TNR: variants seen among roughly 807,000 people sequenced by gnomAD.
The protein encoded by TNR is tenascin R.
Under a neutral mutation model 150.4 loss-of-function variants are expected in TNR, and 45 were observed. That is an observed-to-expected ratio of 0.30 (90% CI 0.24 to 0.38). The LOEUF (loss-of-function observed/expected upper bound fraction) is 0.38, where lower values mean the gene tolerates loss of function less well. TNR is among the 10% of genes least tolerant of loss of function. The probability of loss-of-function intolerance (pLI) is 1.00; values close to 1 mark genes in which losing one functional copy is unlikely to be tolerated. For synonymous variants in TNR, 687 were observed against 678.4 expected, an observed-to-expected ratio of 1.01 and a Z score of -0.20; for missense variants, 1,544 against 1,759.1, an observed-to-expected ratio of 0.88 and a Z score of 2.19.
chr1:175,680,367 A>G (rs930482428), intron 1 of TNR, among the ~76,000 whole-genome samples: 1 of 152,142 alleles, frequency 6.6e-6, no homozygotes, highest in African/African-American at 2.4e-5. Context: ...AAAGTAATAA[A>G]TGGGGCCACT....
chr1:175,399,657 G>A (rs967497138), intron 4 of TNR, among the ~76,000 whole-genome samples: 13 of 152,160 alleles, frequency 8.5e-5, no homozygotes, highest in Non-Finnish European at 1.5e-4. Context: ...AACAATCAAA[G>A]AGCCTCATGC....
intron 1 of TNR, among the ~76,000 whole-genome samples, chr1:175,547,940 T>G (rs757909626): frequency 1.8e-4 from 28 of 152,192 alleles, no homozygotes; most frequent in Non-Finnish European, 3.4e-4. Context: ...CATAAAAAAT[T>G]TTTAAGTATG....
chr1:175,640,414 T>A (rs1014039894), intron 1 of TNR, among the ~76,000 whole-genome samples: 1 of 152,250 alleles, frequency 6.6e-6, no homozygotes, highest in Non-Finnish European at 1.5e-5. Context: ...TGTTAAGCCA[T>A]GTACTGGCAC....
chr1:175,362,828 T>C lies in TNR; in HGVS notation c.2708-19A>G, dbSNP rs1410316732. The stretch of plus-strand genomic sequence containing the variant: ...CGTCCCACTGGAGAAGAGAAGAATC[T>C]ACAGTTAAAATTCAGCAGCCCTTTC... On this transcript the variant is annotated intron_variant, in intron 13 of 22. Transcript: ENST00000367674. 3 of 1,613,394 alleles carry C rather than the reference T, an allele frequency of 1.9e-6. No individual in the cohort carries two copies. The highest frequency in any genetic ancestry group is 2.5e-6 in the Non-Finnish European group (3 of 1,179,522).
intron 1 of TNR, among the ~76,000 whole-genome samples, chr1:175,622,528 G>C (rs1317463489): frequency 6.6e-6 from 1 of 152,082 alleles, no homozygotes; most frequent in Admixed American, 6.6e-5. Context: ...ACACCCTCTA[G>C]CCCGATATCC....
chr1:175,331,041 C>CTT (rs371670839), intron 20 of TNR, among the ~76,000 whole-genome samples: 7 of 75,858 alleles, frequency 9.2e-5, no homozygotes, highest in Non-Finnish European at 1.7e-4. Context: ...TTCTTTCTTT[C>CTT]TTTCTTTCTT....
rs539750137 is a variant in TNR at position 175,324,529 on chromosome 1, A to G, written c.3794-10T>C. ...TAGCTGAGGGAGTCCCCTGCAAAAA[A>G]GATACATTCATTAGGCTGTCCCATT... On this transcript the variant is annotated splice_polypyrimidine_tract_variant and intron_variant, in intron 21 of 22. Coordinates refer to ENST00000367674, the MANE Select transcript of TNR (RefSeq NM_003285.3). 3.7e-6 allele frequency: 6 copies of G among 1,613,002 alleles called. No homozygotes were observed. The South Asian group carries it at 4.4e-5, about 12-fold the overall frequency.
At chr1:175,511,721 C>G (rs1261647511) in intron 2 of TNR, among the ~76,000 whole-genome samples, 1 of 152,200 alleles carries the variant, frequency 6.6e-6, no homozygotes, top group Non-Finnish European at 1.5e-5. Flanking sequence ...GGAGCCACTA[C>G]TTCTAACTCC....
chr1:175,618,554 A>G (rs1277916157), intron 1 of TNR, among the ~76,000 whole-genome samples: 1 of 152,152 alleles, frequency 6.6e-6, no homozygotes, highest in Non-Finnish European at 1.5e-5. Context: ...CTCTGCCCCA[A>G]CTGGCTAAGA....
At chr1:175,594,625 C>G (rs956996477) in intron 1 of TNR, among the ~76,000 whole-genome samples, 1 of 152,056 alleles carries the variant, frequency 6.6e-6, no homozygotes, top group East Asian at 1.9e-4. Context: ...GAGACTGAAG[C>G]GGGCCAATGT....
intron 2 of TNR, among the ~76,000 whole-genome samples, chr1:175,432,968 T>C (rs970766008): frequency 6.6e-6 from 1 of 152,192 alleles, no homozygotes; most frequent in Non-Finnish European, 1.5e-5. Flanking sequence ...CTGTGAAATG[T>C]AGGAGCTGAC....
intron 1 of TNR, among the ~76,000 whole-genome samples, chr1:175,651,051 C>T (rs867444741): frequency 7.8e-5 from 3 of 38,286 alleles, no homozygotes; most frequent in Non-Finnish European, 5.5e-5. Flanking sequence ...CCCCTCCCCA[C>T]CTCATTACTA....
chr1:175,690,763 C>A (rs965633766), intron 1 of TNR, among the ~76,000 whole-genome samples: 4 of 151,900 alleles, frequency 2.6e-5, no homozygotes, highest in African/African-American at 4.8e-5. Flanking sequence ...TGGAGTAGAA[C>A]AAAAGAGAAA....
At chr1:175,383,588 A>G (rs1372151684) in intron 8 of TNR, among the ~76,000 whole-genome samples, 1 of 152,220 alleles carries the variant, frequency 6.6e-6, no homozygotes, top group Non-Finnish European at 1.5e-5. Context: ...GAACAGCTCT[A>G]AGACCCAAGC....
chr1:175,337,615 A>G lies in TNR; in HGVS notation c.3447T>C (p.Ser1149=). The change falls in exon 19 of 23, where the codon AGT becomes AGC. Residue 1149 remains serine (S), a synonymous_variant. Coordinates refer to ENST00000367674, the MANE Select transcript of TNR (RefSeq NM_003285.3). ...CATTGAGGAAGATGGGGTAAACCCCACTCAAAGTGTCTCCATTCATCAAAT... is the reference window on the plus strand; with the variant it reads ...CATTGAGGAAGATGGGGTAAACCCCGCTCAAAGTGTCTCCATTCATCAAAT... The part of the protein sequence containing the change: ...AQHLMNGDTL[S]GVYPIFLNGE... The G allele has an allele frequency of 6.2e-7, 1 of 1,614,164 alleles. No individual in the cohort carries two copies. Among genetic ancestry groups the G allele is most frequent in the East Asian group, 2.2e-5 (1 of 44,884 alleles).
chr1:175,697,181 T>G (rs1386917755), intron 1 of TNR, among the ~76,000 whole-genome samples: 1 of 151,644 alleles, frequency 6.6e-6, no homozygotes, highest in Non-Finnish European at 1.5e-5. Context: ...TATTCATTAT[T>G]TAATCAAGGA....
At chr1:175,666,887 C>T (rs1323121) in intron 1 of TNR, among the ~76,000 whole-genome samples, 11,810 of 152,250 alleles carry the variant, frequency 0.078, 548 homozygotes, top group African/African-American at 0.12. Context: ...GCTAGGACTA[C>T]AGGCACACAC....
At position 175,678,811 on chromosome 1, in the gene TNR, G is replaced by C. The variant is rs139228870; in HGVS notation, c.-165+64415C>G. 4.7e-3 allele frequency among the ~76,000 whole-genome samples: 723 copies of C among 152,288 alleles called. 9 individuals carry two copies. The highest frequency in any genetic ancestry group is 0.027 in the East Asian group (141 of 5,176). On this transcript the variant is annotated intron_variant, in intron 1 of 22. Coordinates refer to ENST00000367674, the MANE Select transcript of TNR (RefSeq NM_003285.3). ...AGGGAGGAGAGATAGAGAATCCCTG[G>C]GGCCTGTGGCCCTGCCCTTCTGGGA...
intron 18 of TNR, among the ~76,000 whole-genome samples, chr1:175,348,453 G>T (rs1385369042): frequency 6.6e-6 from 1 of 152,030 alleles, no homozygotes; most frequent in African/African-American, 2.4e-5. Flanking sequence ...GAAAAATAAA[G>T]GTCACCAATT....
Sources: allele counts gnomAD v4.1 joint callset (sites outside exome capture counted in the v4.1 genomes callset), GRCh38; gene constraint gnomAD v4.1.1; transcripts MANE v1.5; gene names NCBI Gene and HGNC (gene_info 2026-07-23, HGNC 2026-07-21).